Variants in HAL observed in about 807,000 individuals in gnomAD.
The protein encoded by HAL is histidase.
HAL carries 85 observed loss-of-function variants against 81.1 expected under a neutral mutation model. The observed-to-expected ratio is 1.05, with a 90% CI of 0.88 to 1.25. HAL has a LOEUF of 1.25. HAL is among the 50% of genes most tolerant of loss of function. HAL has a pLI of 0.00. For synonymous variants in HAL, 301 were observed against 309.2 expected, an observed-to-expected ratio of 0.97 and a Z score of 0.28; for missense variants, 798 against 836.6, an observed-to-expected ratio of 0.95 and a Z score of 0.57.
intron 17 of HAL, among the ~76,000 whole-genome samples, chr12:95,980,349 A>T (rs1440362591): frequency 6.6e-6 from 1 of 152,244 alleles, no homozygotes; most frequent in East Asian, 1.9e-4. Context: ...ATTATATTTC[A>T]GCATAACAGT....
At position 95,988,229 on chromosome 12, in the gene HAL, G is replaced by C. The variant is rs768438460; in HGVS notation, c.867C>G (p.Ala289=). The change falls in exon 11 of 21, where the codon GCC becomes GCG. Residue 289 remains alanine (A), a synonymous_variant. Coordinates refer to ENST00000261208, the MANE Select transcript of HAL (RefSeq NM_002108.4). The part of the protein sequence containing the change: ...GWADAKYVLE[A]HGLKPVILKP... ...TTAAAATAACTGGTTTCAATCCATG[G>C]GCTTCTAGCACCTATAGAATGATTA... 6 of 1,506,118 alleles carry C rather than the reference G, an allele frequency of 4.0e-6. No homozygotes were observed. The African/African-American group carries it at 8.2e-5, about 21-fold the overall frequency. 93.3% of individuals were successfully genotyped at this position (1,506,118 alleles called of 1,614,324 possible). A position where few individuals can be genotyped will look rare whatever the true frequency, so the allele number is the denominator to read the frequency against.
Position 95,995,888 on chromosome 12 carries a change from A to G in HAL, c.23T>C (p.Val8Ala). ...GGGCACTGCCAGCCATTCCCCACGT[A>G]CGTGCACCGTGTATCTGGGCATGGC... The part of the protein sequence containing the change: MPRYTVH[V>A]RGEWLAVPCQ... The change falls in exon 2 of 21, where the codon GTA (valine) becomes GCA (alanine). Residue 8 changes from valine (V) to alanine (A), a missense_variant. By Grantham distance (64) the Val-to-Ala change is moderately conservative (BLOSUM62 0). Coordinates refer to ENST00000261208, the MANE Select transcript of HAL (RefSeq NM_002108.4). The G allele has an allele frequency of 6.2e-7, 1 of 1,605,756 alleles. No individual in the cohort carries two copies. Among genetic ancestry groups the G allele is most frequent in the Non-Finnish European group, 8.5e-7 (1 of 1,179,896 alleles).
chr12:95,986,269 G>A, intron 12 of HAL, 109 bp from the exon 13 acceptor site: 1 of 720,832 alleles, frequency 1.4e-6, no homozygotes, highest in South Asian at 1.5e-5. Context: ...CTGGGCTCTA[G>A]CGATCCTCCT....
chr12:95,991,396 G>A (rs1422766056), intron 9 of HAL, among the ~76,000 whole-genome samples: 1 of 152,158 alleles, frequency 6.6e-6, no homozygotes, highest in African/African-American at 2.4e-5. Flanking sequence ...CATTGGAAAA[G>A]TAATATAAAA....
Position 95,994,646 on chromosome 12 carries a change from A to T in HAL, c.336+152T>A, listed in dbSNP as rs375534959. 15 of 822,014 alleles carry T rather than the reference A, an allele frequency of 1.8e-5. No individual in the cohort carries two copies. In the South Asian group the frequency reaches 2.0e-4, roughly 11 times the overall value. The allele number at this position is 822,014 out of a possible 1,614,324, so 50.9% of individuals were successfully genotyped here. The stretch of plus-strand genomic sequence containing the variant: ...CTCAAGTGAACTGCCCACCTCGGCC[A>T]CCCAAAGTGCTGGGACTACAGACAT... On this transcript the variant is annotated intron_variant, in intron 4 of 20. Transcript: ENST00000261208.
chr12:95,976,390 C>A (rs1373522365), intron 20 of HAL, 39 bp downstream of exon 20: 3 of 1,531,816 alleles, frequency 2.0e-6, no homozygotes, highest in Non-Finnish European at 1.8e-6. Flanking sequence ...TTTCCTGTAA[C>A]AATTAAAAAT....
At chr12:95,978,630 G>A (rs886972082) in intron 17 of HAL, among the ~76,000 whole-genome samples, 6 of 152,146 alleles carry the variant, frequency 3.9e-5, no homozygotes, top group Non-Finnish European at 7.3e-5. Context: ...GCTTTCCAGT[G>A]CACATGAATC....
chr12:95,992,639 C>T (rs372262585), intron 9 of HAL, 41 bp downstream of exon 9: 17 of 1,573,508 alleles, frequency 1.1e-5, no homozygotes, highest in African/African-American at 1.1e-4. Flanking sequence ...GGTACATGTC[C>T]AGCCTCCACA....
At chr12:95,986,553 C>T (rs747027481) in intron 12 of HAL, among the ~76,000 whole-genome samples, 4 of 152,170 alleles carry the variant, frequency 2.6e-5, no homozygotes, top group Non-Finnish European at 4.4e-5. Context: ...AGACACTGGG[C>T]CTACCTTAAA....
chr12:95,981,740 G>A (rs998319033), intron 15 of HAL, among the ~76,000 whole-genome samples: 1 of 152,222 alleles, frequency 6.6e-6, no homozygotes, highest in Non-Finnish European at 1.5e-5. Context: ...GATTACAGGT[G>A]TGAGCCACCA....
chr12:95,986,049 A>G lies in HAL; in HGVS notation c.1147+16T>C. 6.3e-7 allele frequency: 1 copy of G among 1,594,422 alleles called. No homozygotes were observed. The highest frequency in any genetic ancestry group is 8.6e-7 in the Non-Finnish European group (1 of 1,162,082). ...ACACGTAACCAAATAGGTCACTCCC[A>G]TAAACATGGTCAGACCTGCTATTTC... On this transcript the variant is annotated intron_variant, in intron 13 of 20. Transcript: ENST00000261208.
chr12:95,986,303 GAT>G, intron 12 of HAL, 143 bp from the exon 13 acceptor site: 1 of 682,460 alleles, frequency 1.5e-6, no homozygotes, highest in African/African-American at 1.8e-5. Flanking sequence ...AAAGTGCTGG[GAT>G]TACAGGCATG....
chr12:95,976,820 T>C, intron 18 of HAL, 114 bp from the exon 19 acceptor site: 1 of 737,250 alleles, frequency 1.4e-6, no homozygotes, highest in Non-Finnish European at 2.5e-6. Context: ...TGGTTTGTTC[T>C]CTGTCTATTG....
In HAL at chr12:95,972,721, G is replaced by A. The variant is rs1220727196; in HGVS notation, c.*1511C>T. 2.0e-5 allele frequency: 3 copies of A among 152,168 alleles called. No individual in the cohort carries two copies. Among genetic ancestry groups the A allele is most frequent in the Non-Finnish European group, 1.5e-5 (1 of 68,026 alleles). The allele number at this position is 152,168 out of a possible 1,614,324, so 9.4% of individuals were successfully genotyped here. A position where few individuals can be genotyped will look rare whatever the true frequency, so the allele number is the denominator to read the frequency against. On this transcript the variant is annotated 3_prime_UTR_variant, in exon 21 of 21. Transcript: ENST00000261208. ...TGAAGTTCCCTTGAAGGCGTGTGCT[G>A]TCAGTTACTAATAGAGCTGTGTAGA... is the stretch of plus-strand genomic sequence containing the variant.
At position 95,973,396 on chromosome 12, in the gene HAL, G is replaced by T. The variant is rs117951758; in HGVS notation, c.*836C>A. On this transcript the variant is annotated 3_prime_UTR_variant, in exon 21 of 21. Transcript: ENST00000261208. The stretch of plus-strand genomic sequence containing the variant: ...TAATGATTACCATTACAGAAAGGAG[G>T]TTGGTTAATCCCCAAAGATTCCTTA... The T allele has an allele frequency of 3.9e-5, 6 of 152,188 alleles. No individual in the cohort carries two copies. The highest frequency in any genetic ancestry group is 1.4e-4 in the African/African-American group (6 of 41,432). The allele number at this position is 152,188 out of a possible 1,614,324, so 9.4% of individuals were successfully genotyped here.
chr12:95,993,370 A>G (rs1480097134), intron 8 of HAL, 81 bp downstream of exon 8: 2 of 918,844 alleles, frequency 2.2e-6, no homozygotes, highest in African/African-American at 1.6e-5. Context: ...TTTTGTGACT[A>G]TAACTGGATA....
Position 95,994,133 on chromosome 12 carries a change from G to C in HAL, c.368C>G (p.Thr123Arg). The part of the protein sequence containing the change: ...YIELDGDRLT[T>R]EDLVNLGKGR... ...CTTTCCCAAGTTGACCAGATCCTCCGTGGTCAGACGGTCTCCATCTAACTC... is the reference window on the plus strand; with the variant it reads ...CTTTCCCAAGTTGACCAGATCCTCCCTGGTCAGACGGTCTCCATCTAACTC... The change falls in exon 5 of 21, where the codon ACG becomes AGG. Residue 123 changes from threonine (T) to arginine (R), a missense_variant. By Grantham distance (71) the Thr-to-Arg change is moderately conservative. Transcript: ENST00000261208. The C allele has an allele frequency of 1.2e-6, 2 of 1,613,124 alleles. No individual in the cohort carries two copies. The highest frequency in any genetic ancestry group is 1.7e-6 in the Non-Finnish European group (2 of 1,179,130).
intron 14 of HAL, among the ~76,000 whole-genome samples, chr12:95,985,549 C>G (rs77204119): frequency 0.11 from 17,179 of 149,420 alleles, 1,237 homozygotes; most frequent in East Asian, 0.34. Flanking sequence ...GAGATCATGC[C>G]ACTGTACTCC....
chr12:95,984,927 A>C (rs1565989258), intron 14 of HAL, among the ~76,000 whole-genome samples: 1 of 152,208 alleles, frequency 6.6e-6, no homozygotes, highest in East Asian at 1.9e-4. Flanking sequence ...AGGACTCTCT[A>C]TTACACCATA....
Sources: allele counts gnomAD v4.1 joint callset (sites outside exome capture counted in the v4.1 genomes callset), GRCh38; gene constraint gnomAD v4.1.1; transcripts MANE v1.5; gene names NCBI Gene and HGNC (gene_info 2026-07-23, HGNC 2026-07-21).